The following ANXA10 variants were observed in gnomAD, a reference collection of about 807,000 sequenced individuals.
ANXA10 encodes annexin A10, also known as annexin 14.
A neutral mutation model predicts 53.5 loss-of-function variants in ANXA10; 49 were observed. The ratio of observed to expected loss-of-function variants is 0.92; its 90% CI spans 0.73 to 1.16. The LOEUF is 1.16. Among genes scored for constraint, ANXA10 ranks in the 50% most tolerant of loss-of-function variants. The pLI, the probability that ANXA10 is intolerant of heterozygous loss-of-function variation, is 0.00. For missense variants in ANXA10, 393 were observed against 394.4 expected (o/e 1.00, Z 0.03); for synonymous variants, 131 against 128.9 (o/e 1.02, Z -0.11).
At chr4:168,129,188 C>A (rs1336770483) in intron 2 of ANXA10, among the ~76,000 whole-genome samples, 4 of 152,044 alleles carry the variant, frequency 2.6e-5, no homozygotes. Flanking sequence ...GAATGCACAT[C>A]TGTGTGTTTT....
intron 3 of ANXA10, among the ~76,000 whole-genome samples, chr4:168,148,238 G>C (rs918480400): frequency 6.6e-6 from 1 of 151,208 alleles, no homozygotes; most frequent in Non-Finnish European, 1.5e-5. Flanking sequence ...CATGATCTCA[G>C]CTCACTGCAA....
At chr4:168,093,696 T>C (rs914433465) in intron 1 of ANXA10, among the ~76,000 whole-genome samples, 2 of 152,130 alleles carry the variant, frequency 1.3e-5, no homozygotes, top group Non-Finnish European at 2.9e-5. Context: ...AAAACAACTT[T>C]CTGGGAACTT....
chr4:168,151,154 C>G (rs1731489810), intron 3 of ANXA10, among the ~76,000 whole-genome samples: 1 of 151,960 alleles, frequency 6.6e-6, no homozygotes, highest in South Asian at 2.1e-4. Flanking sequence ...ACATAGTGAC[C>G]ACTGGGGGAG....
chr4:168,123,498 G>A (rs1007617916), intron 1 of ANXA10, among the ~76,000 whole-genome samples: 1 of 152,208 alleles, frequency 6.6e-6, no homozygotes, highest in African/African-American at 2.4e-5. Flanking sequence ...GCTGAAGGCA[G>A]GCTGGAGTGA....
chr4:168,150,652 G>A (rs1198179336), intron 3 of ANXA10, among the ~76,000 whole-genome samples: 1 of 152,142 alleles, frequency 6.6e-6, no homozygotes, highest in Non-Finnish European at 1.5e-5. Context: ...GGAGAAACAC[G>A]CACATGCGCA....
At chr4:168,117,733 T>C (rs1264668861) in intron 1 of ANXA10, among the ~76,000 whole-genome samples, 2 of 152,170 alleles carry the variant, frequency 1.3e-5, no homozygotes, top group Non-Finnish European at 2.9e-5. Flanking sequence ...GAAATAAATG[T>C]GAGCTATACA....
rs553062765 is a variant in ANXA10, at chr4:168,184,529, T to G, written c.784-30T>G. 4.0e-5 allele frequency: 64 copies of G among 1,612,080 alleles called. No individual in the cohort carries two copies. The South Asian group carries it at 6.7e-4, about 17-fold the overall frequency. On this transcript the variant is annotated intron_variant, in intron 10 of 11. Transcript: ENST00000359299. ...GACTGACTTTTAGGATGCTGTCTTC[T>G]CATTTCTCCCACTTTTCTGTATCTT...
chr4:168,184,971 G>A (rs1427467119), intron 11 of ANXA10, among the ~76,000 whole-genome samples: 1 of 152,070 alleles, frequency 6.6e-6, no homozygotes, highest in Non-Finnish European at 1.5e-5. Flanking sequence ...TGGCTAACAC[G>A]GTGAAACCCC....
chr4:168,166,948 G>A (rs1731892531), intron 6 of ANXA10, among the ~76,000 whole-genome samples: 1 of 152,124 alleles, frequency 6.6e-6, no homozygotes, highest in Admixed American at 6.6e-5. Flanking sequence ...GGACTAGAGT[G>A]AGAATCCTGC....
intron 10 of ANXA10, among the ~76,000 whole-genome samples, chr4:168,182,575 C>T (rs1295803852): frequency 2.7e-5 from 4 of 148,716 alleles, no homozygotes; most frequent in African/African-American, 7.4e-5. Flanking sequence ...CTTCGTGATC[C>T]GCCCGCCTCG....
At chr4:168,181,598 G>A (rs1732247157) in intron 9 of ANXA10, 85 bp from the exon 10 acceptor site, 4 of 1,084,864 alleles carry the variant, frequency 3.7e-6, no homozygotes, top group South Asian at 1.3e-5. Flanking sequence ...ATTGTAACAG[G>A]AAAAGTGTTA....
rs1410173494 is a variant in ANXA10 at position 168,187,624 on chromosome 4, T to A, written c.*190T>A. 1.8e-5 allele frequency: 7 copies of A among 390,652 alleles called. No individual in the cohort carries two copies. 24.2% of individuals were successfully genotyped at this position (390,652 alleles called of 1,614,324 possible). A position where few individuals can be genotyped will look rare whatever the true frequency, so the allele number is the denominator to read the frequency against. On this transcript the variant is annotated 3_prime_UTR_variant, in exon 12 of 12. Transcript: ENST00000359299. Reference sequence around the variant, plus strand: ...AGTATATGATACTGAATTTGCCTACTATCCTGAATTTGCCTACTATCTAAT... The same window carrying A: ...AGTATATGATACTGAATTTGCCTACAATCCTGAATTTGCCTACTATCTAAT...
intron 4 of ANXA10, among the ~76,000 whole-genome samples, chr4:168,163,648 T>TA (rs142033181): frequency 0.024 from 3,661 of 152,248 alleles, 196 homozygotes; most frequent in East Asian, 0.14. Context: ...GAGGCTTTCC[T>TA]AAAAAAGGTG....
chr4:168,140,647 T>G (rs961604763), intron 3 of ANXA10, among the ~76,000 whole-genome samples: 6 of 152,082 alleles, frequency 3.9e-5, no homozygotes, highest in African/African-American at 1.4e-4. Flanking sequence ...AGATGGAGTT[T>G]CGCTCCTGTT....
chr4:168,093,470 A>G (rs1055595504), intron 1 of ANXA10, among the ~76,000 whole-genome samples: 16 of 152,202 alleles, frequency 1.1e-4, no homozygotes, highest in African/African-American at 3.1e-4. Flanking sequence ...TGAAAATTAT[A>G]TACAAATGTG....
chr4:168,132,860 C>G (rs935034833), intron 2 of ANXA10, among the ~76,000 whole-genome samples: 1 of 152,024 alleles, frequency 6.6e-6, no homozygotes, highest in Non-Finnish European at 1.5e-5. Flanking sequence ...TTTGACCATA[C>G]AGTCGATTCT....
intron 8 of ANXA10, 113 bp downstream of exon 8, chr4:168,178,096 A>G: frequency 1.1e-6 from 1 of 929,576 alleles, no homozygotes; most frequent in Non-Finnish European, 1.6e-6. Context: ...AAAGTCAGTT[A>G]TCTCAAAGGT....
In ANXA10 at chr4:168,177,976, G is replaced by T. The variant is rs1315523656; in HGVS notation, c.621G>T (p.Leu207=). 3 of 1,613,404 alleles carry T rather than the reference G, an allele frequency of 1.9e-6. No individual in the cohort carries two copies. In the Admixed American group the frequency reaches 5.0e-5, roughly 27 times the overall value. The change falls in exon 8 of 12, where the codon CTG becomes CTT. Residue 207 remains leucine (L), a synonymous_variant. Transcript: ENST00000359299. ...TGTGCAACAAGAGCTACCAGCAGCT[G>T]CGGCTGGGTAATTATTAACTGGGTT... ...MILCNKSYQQ[L]RLVFQEFQNI...
chr4:168,148,389 A>G (rs1050532375), intron 3 of ANXA10, among the ~76,000 whole-genome samples: 2 of 152,076 alleles, frequency 1.3e-5, no homozygotes, highest in South Asian at 2.1e-4. Flanking sequence ...CTGGTCTTGA[A>G]TTCCTGACCT....
Sources: allele counts gnomAD v4.1 joint callset (sites outside exome capture counted in the v4.1 genomes callset), GRCh38; gene constraint gnomAD v4.1.1; transcripts MANE v1.5; gene names NCBI Gene and HGNC (gene_info 2026-07-23, HGNC 2026-07-21).